Variants in EYS observed in about 807,000 individuals in gnomAD.
The protein encoded by EYS is protein eyes shut homolog.
Under a neutral mutation model 282.1 loss-of-function variants are expected in EYS, and 250 were observed. The observed-to-expected ratio is 0.89, with a 90% confidence interval of 0.80 to 0.98. The LOEUF is 0.98. EYS is among the 50% of genes least tolerant of loss of function. EYS has a pLI of 0.00. For synonymous variants in EYS, 1,355 were observed against 1,282.9 expected, an observed-to-expected ratio of 1.06 and a Z score of -1.20; for missense variants, 4,016 against 3,709.0, an observed-to-expected ratio of 1.08 and a Z score of -2.15.
intron 14 of EYS, among the ~76,000 whole-genome samples, chr6:64,959,953 A>T (rs1769858026): frequency 6.8e-6 from 1 of 147,938 alleles, no homozygotes; most frequent in African/African-American, 2.5e-5. Flanking sequence ...ACCACAGTGC[A>T]TGGGCAAATG....
chr6:64,937,293 T>A (rs550187102), intron 15 of EYS, among the ~76,000 whole-genome samples: 2 of 151,532 alleles, frequency 1.3e-5, no homozygotes, highest in Non-Finnish European at 3.0e-5. Flanking sequence ...AGAAAATGAG[T>A]CAATTGGTTG....
At chr6:64,943,494 G>A (rs1408161283) in intron 15 of EYS, among the ~76,000 whole-genome samples, 1 of 152,070 alleles carries the variant, frequency 6.6e-6, no homozygotes, top group Non-Finnish European at 1.5e-5. Context: ...CAAAATCGAT[G>A]TATACAAATC....
intron 35 of EYS, among the ~76,000 whole-genome samples, chr6:63,967,788 G>A (rs1375385087): frequency 6.6e-6 from 1 of 152,136 alleles, no homozygotes; most frequent in Non-Finnish European, 1.5e-5. Context: ...ATAATAAAAT[G>A]TCCTTGCATT....
At chr6:64,483,210 G>T (rs1431397829) in intron 26 of EYS, among the ~76,000 whole-genome samples, 1 of 151,606 alleles carries the variant, frequency 6.6e-6, no homozygotes. Context: ...TAATAAATAG[G>T]CATAACCATG....
At chr6:64,936,885 CA>C (rs908710460) in intron 15 of EYS, among the ~76,000 whole-genome samples, 1 of 151,016 alleles carries the variant, frequency 6.6e-6, no homozygotes, top group East Asian at 1.9e-4. Flanking sequence ...AATGATGGAA[CA>C]AAAAAATAAG....
chr6:65,030,789 A>G (rs1772578375), intron 13 of EYS, among the ~76,000 whole-genome samples: 1 of 152,224 alleles, frequency 6.6e-6, no homozygotes, highest in Non-Finnish European at 1.5e-5. Context: ...GACAGGATCA[A>G]ATCCACATAT....
At chr6:64,631,883 GACTT>G (rs944708959) in intron 22 of EYS, among the ~76,000 whole-genome samples, 8 of 151,666 alleles carry the variant, frequency 5.3e-5, no homozygotes, top group African/African-American at 1.7e-4. Flanking sequence ...ATTTAAATGA[GACTT>G]AATTCAAGTT....
chr6:65,388,937 G>A (rs571383886), intron 7 of EYS, among the ~76,000 whole-genome samples: 9 of 151,648 alleles, frequency 5.9e-5, no homozygotes, highest in South Asian at 2.1e-4. Flanking sequence ...CATTCAATCC[G>A]CTCTAAAGAA....
chr6:63,791,030 AG>A (rs1320378873), intron 37 of EYS, among the ~76,000 whole-genome samples: 1 of 152,172 alleles, frequency 6.6e-6, no homozygotes, highest in Non-Finnish European at 1.5e-5. Flanking sequence ...AGGAGGAGAT[AG>A]GAGGTTTGTT....
intron 2 of EYS, among the ~76,000 whole-genome samples, chr6:65,546,284 C>A (rs977119466): frequency 3.3e-5 from 5 of 149,828 alleles, no homozygotes; most frequent in African/African-American, 9.8e-5. Flanking sequence ...ACCTCAGCCT[C>A]CAAAAATTCT....
intron 7 of EYS, among the ~76,000 whole-genome samples, chr6:65,388,636 G>A (rs927455037): frequency 6.6e-6 from 1 of 152,078 alleles, no homozygotes; most frequent in Non-Finnish European, 1.5e-5. Flanking sequence ...TGGTGACTTA[G>A]TAGGAGATGG....
At chr6:65,398,742 C>A (rs1399709860) in intron 7 of EYS, among the ~76,000 whole-genome samples, 1 of 152,076 alleles carries the variant, frequency 6.6e-6, no homozygotes. Context: ...TGGAAACATA[C>A]TTGATATCTA....
At chr6:64,316,332 C>T (rs916677493) in intron 29 of EYS, among the ~76,000 whole-genome samples, 1 of 152,110 alleles carries the variant, frequency 6.6e-6, no homozygotes, top group African/African-American at 2.4e-5. Context: ...CGTCTCAGCC[C>T]AAAATCTCCA....
intron 19 of EYS, among the ~76,000 whole-genome samples, chr6:64,871,976 T>C (rs1447310856): frequency 1.3e-5 from 2 of 152,054 alleles, no homozygotes; most frequent in East Asian, 1.9e-4. Context: ...TAAAAGTCTT[T>C]ATCCAGAAAT....
intron 26 of EYS, among the ~76,000 whole-genome samples, chr6:64,565,469 A>G (rs544228484): frequency 1.3e-5 from 2 of 152,310 alleles, no homozygotes; most frequent in South Asian, 4.1e-4. Context: ...TTTTGACAAC[A>G]TGGATTAACT....
intron 26 of EYS, among the ~76,000 whole-genome samples, chr6:64,570,413 T>A (rs1765688631): frequency 6.6e-6 from 1 of 152,126 alleles, no homozygotes; most frequent in Admixed American, 6.6e-5. Flanking sequence ...GCTAGCATCA[T>A]AATGACAGGA....
intron 23 of EYS, among the ~76,000 whole-genome samples, chr6:64,618,877 T>TA (rs1767356734): frequency 6.6e-6 from 1 of 152,196 alleles, no homozygotes; most frequent in Non-Finnish European, 1.5e-5. Context: ...AATATGACTT[T>TA]GTTGAGTCTC....
At chr6:65,471,147 C>A (rs1277161633) in intron 5 of EYS, among the ~76,000 whole-genome samples, 2 of 139,104 alleles carry the variant, frequency 1.4e-5, no homozygotes, top group Non-Finnish European at 3.1e-5. Flanking sequence ...AAAAAACAAA[C>A]AAACAAAAAC....
chr6:65,527,173 A>G lies in EYS; in HGVS notation c.-332-31180T>C, dbSNP rs191511206. ...TAAAGGTTAGTCAATCTCAGCAACA[A>G]CCTCTTGTGGCCTAGGAGTAGTATA... On this transcript the variant is annotated intron_variant, in intron 2 of 42. Coordinates refer to ENST00000503581, the MANE Select transcript of EYS (RefSeq NM_001142800.2). 7.1e-3 allele frequency among the ~76,000 whole-genome samples: 1,073 copies of G among 152,194 alleles called. 5 individuals carry two copies. Among genetic ancestry groups the G allele is most frequent in the Non-Finnish European group, 0.012 (807 of 68,008 alleles).
Sources: gnomAD v4.1 joint callset for allele counts (sites outside exome capture counted in the v4.1 genomes callset) on GRCh38, gnomAD v4.1.1 for gene constraint, MANE v1.5 for transcripts, NCBI Gene and HGNC (gene_info 2026-07-23, HGNC 2026-07-21) for gene names.